Variants in CEP95 observed in about 807,000 individuals in gnomAD.
The protein encoded by CEP95 is centrosomal protein 95, also known as centrosomal protein of 95 kDa.
A neutral mutation model predicts 111.2 loss-of-function variants in CEP95; 98 were observed. That is an observed-to-expected ratio of 0.88 (90% CI 0.75 to 1.04). The LOEUF is 1.04. CEP95 is among the 50% of genes least tolerant of loss of function. CEP95 has a pLI of 0.00. For missense variants in CEP95, 1,027 were observed against 977.2 expected, an observed-to-expected ratio of 1.05 and a Z score of -0.68; for synonymous variants, 323 against 327.1, an observed-to-expected ratio of 0.99 and a Z score of 0.14.
chr17:64,518,826 G>A (rs145019849), intron 5 of CEP95, among the ~76,000 whole-genome samples: 2,404 of 152,024 alleles, frequency 0.016, 61 homozygotes, highest in African/African-American at 0.055. Context: ...GATTACAGGC[G>A]CCTGCCACCA....
intron 3 of CEP95, among the ~76,000 whole-genome samples, chr17:64,513,184 G>T (rs1048977345): frequency 6.6e-6 from 1 of 152,210 alleles, no homozygotes; most frequent in Non-Finnish European, 1.5e-5. Context: ...GTTACTAGTA[G>T]TAGTATAAAA....
chr17:64,506,980 C>T lies in CEP95; in HGVS notation c.-118C>T. The T allele has an allele frequency of 8.6e-7, 1 of 1,159,416 alleles. No individual in the cohort carries two copies. The highest frequency in any genetic ancestry group is 1.3e-6 in the Non-Finnish European group (1 of 790,622). 71.8% of individuals were successfully genotyped at this position (1,159,416 alleles called of 1,614,324 possible). ...GTCCGTCCTTCTTTCACGCCTCCTT[C>T]CCCGCGCTTTGGTTCGTGCGTCCGC... is the stretch of plus-strand genomic sequence containing the variant. On this transcript the variant is annotated 5_prime_UTR_variant, in exon 1 of 20. Transcript: ENST00000556440.
rs1968305815 is a variant in CEP95, at chr17:64,531,870, GT to G, written c.1540-16del. ...CTGTTAGACCTTTTATTTTTATTCTGTTTTATATCTGCTTCTAAGGAAAAAA... is the reference window on the plus strand; with the variant it reads ...CTGTTAGACCTTTTATTTTTATTCTGTTTATATCTGCTTCTAAGGAAAAAA... On this transcript the variant is annotated intron_variant, in intron 13 of 19. Transcript: ENST00000556440. 2 of 1,513,468 alleles carry G rather than the reference GT, an allele frequency of 1.3e-6. No homozygotes were observed. Among genetic ancestry groups the G allele is most frequent in the Admixed American group, 2.5e-5 (1 of 40,410 alleles). 93.8% of individuals were successfully genotyped at this position (1,513,468 alleles called of 1,614,324 possible). A position where few individuals can be genotyped will look rare whatever the true frequency, so the allele number is the denominator to read the frequency against.
rs1460376883 is a variant in CEP95 at position 64,506,999 on chromosome 17, C to A, written c.-99C>A. The A allele has an allele frequency of 1.6e-5, 23 of 1,393,990 alleles. No homozygotes were observed. Among genetic ancestry groups the A allele is most frequent in the Non-Finnish European group, 2.0e-5 (20 of 1,004,398 alleles). 86.4% of individuals were successfully genotyped at this position (1,393,990 alleles called of 1,614,324 possible). On this transcript the variant is annotated 5_prime_UTR_variant, in exon 1 of 20. Transcript: ENST00000556440. ...CTCCTTCCCCGCGCTTTGGTTCGTG[C>A]GTCCGCGCCCCAGTGTCGGGTCTGC...
chr17:64,513,765 G>A (rs781958062), intron 3 of CEP95, among the ~76,000 whole-genome samples: 3 of 150,868 alleles, frequency 2.0e-5, no homozygotes, highest in Non-Finnish European at 4.4e-5. Flanking sequence ...CAAGTTTATT[G>A]TTTTTTTTTG....
intron 12 of CEP95, among the ~76,000 whole-genome samples, chr17:64,530,150 G>T (rs1019820811): frequency 6.6e-6 from 1 of 152,090 alleles, no homozygotes; most frequent in Non-Finnish European, 1.5e-5. Flanking sequence ...CTTTGGGAGG[G>T]TGAGACAGGT....
At chr17:64,507,380 G>A (rs916473313) in intron 1 of CEP95, 1 of 1,399,868 alleles carries the variant, frequency 7.1e-7, no homozygotes, top group Non-Finnish European at 9.3e-7. Flanking sequence ...TGTAAAAAGA[G>A]CGGTCAGAAG....
intron 1 of CEP95, chr17:64,507,346 C>A: frequency 2.0e-5 from 28 of 1,425,374 alleles, no homozygotes; most frequent in Non-Finnish European, 2.6e-5. Context: ...TGGGGCGAGG[C>A]CGGTAGGACA....
At chr17:64,521,943 G>A (rs1404372461) in intron 7 of CEP95, among the ~76,000 whole-genome samples, 1 of 151,952 alleles carries the variant, frequency 6.6e-6, no homozygotes, top group Non-Finnish European at 1.5e-5. Flanking sequence ...TGCAACCTCC[G>A]CCTCCTGGGT....
chr17:64,536,506 A>T (rs1968665650), intron 17 of CEP95, 96 bp from the exon 18 acceptor site: 1 of 849,982 alleles, frequency 1.2e-6, no homozygotes, highest in South Asian at 2.1e-5. Flanking sequence ...CTAGTATTTA[A>T]AAAAAAAAAA....
chr17:64,518,397 A>G (rs1967041227), intron 5 of CEP95, among the ~76,000 whole-genome samples: 1 of 152,206 alleles, frequency 6.6e-6, no homozygotes, highest in African/African-American at 2.4e-5. Flanking sequence ...AAGTTGCCAG[A>G]CTGTTTTCCA....
intron 12 of CEP95, among the ~76,000 whole-genome samples, chr17:64,530,061 T>C (rs954294344): frequency 2.6e-5 from 4 of 152,218 alleles, no homozygotes; most frequent in Admixed American, 1.3e-4. Context: ...AAACGCATGA[T>C]GTAAAATTTC....
At chr17:64,508,253 T>G in intron 1 of CEP95, 1 of 985,562 alleles carries the variant, frequency 1.0e-6, no homozygotes, top group Non-Finnish European at 1.2e-6. Context: ...GACATAATAT[T>G]CCTGTTTACT....
At chr17:64,532,572 C>A in intron 14 of CEP95, 1 of 1,235,088 alleles carries the variant, frequency 8.1e-7, no homozygotes. Context: ...GAGAATCTAC[C>A]CACAGGCACT....
chr17:64,506,941 G>A (rs2038564186), upstream of CEP95: 1 of 803,044 alleles, frequency 1.2e-6, no homozygotes, highest in African/African-American at 1.7e-5. Flanking sequence ...TCAGCGGCGA[G>A]AAGCTCTTTT....
intron 7 of CEP95, 87 bp downstream of exon 7, chr17:64,521,614 C>T: frequency 8.1e-7 from 1 of 1,234,600 alleles, no homozygotes; most frequent in African/African-American, 1.5e-5. Context: ...ACTTTTATTG[C>T]TGTATATGAG....
chr17:64,523,484 T>C (rs1598216486), intron 8 of CEP95, among the ~76,000 whole-genome samples: 1 of 152,048 alleles, frequency 6.6e-6, no homozygotes, highest in Admixed American at 6.5e-5. Flanking sequence ...ACTGTTAACA[T>C]ATTGATCTAT....
intron 3 of CEP95, 75 bp downstream of exon 3, chr17:64,510,355 C>G: frequency 1.1e-6 from 1 of 951,186 alleles, no homozygotes; most frequent in East Asian, 2.6e-5. Context: ...ACATTGTTTA[C>G]TTAACCAAAT....
intron 1 of CEP95, chr17:64,507,530 C>G: frequency 2.7e-6 from 3 of 1,105,254 alleles, no homozygotes; most frequent in Non-Finnish European, 3.3e-6. Context: ...TTATTATGCC[C>G]CTGCAGAATA....
Sources: gnomAD v4.1 joint callset for allele counts (sites outside exome capture counted in the v4.1 genomes callset) on GRCh38, gnomAD v4.1.1 for gene constraint, MANE v1.5 for transcripts, NCBI Gene and HGNC (gene_info 2026-07-23, HGNC 2026-07-21) for gene names.